Variants in ZNF804A observed in about 807,000 individuals in gnomAD.
ZNF804A encodes the protein zinc finger protein 804A.
ZNF804A carries 2 observed loss-of-function variants against 16.5 expected under a neutral mutation model. The observed-to-expected ratio is 0.12, with a 90% CI of 0.05 to 0.38. The LOEUF is 0.38. Ranked by LOEUF, ZNF804A falls within the 10% of genes least tolerant of loss-of-function variation. The probability of loss-of-function intolerance (pLI) is 0.99; values close to 1 mark genes in which losing one functional copy is unlikely to be tolerated. For missense variants in ZNF804A, 1,473 were observed against 1,390.7 expected, an observed-to-expected ratio of 1.06 and a Z score of -0.94; for synonymous variants, 534 against 489.6, an observed-to-expected ratio of 1.09 and a Z score of -1.20.
intron 1 of ZNF804A, among the ~76,000 whole-genome samples, chr2:184,705,635 G>A (rs928961349): frequency 5.9e-5 from 9 of 151,912 alleles, no homozygotes; most frequent in African/African-American, 1.7e-4. Context: ...TGAAGTGTAC[G>A]TTTGTGCTAC....
chr2:184,651,778 A>T (rs190142595), intron 1 of ZNF804A, among the ~76,000 whole-genome samples: 74 of 152,276 alleles, frequency 4.9e-4, no homozygotes, highest in African/African-American at 1.7e-3. Flanking sequence ...ATTATCAATA[A>T]TTCAAAAAAT....
intron 2 of ZNF804A, among the ~76,000 whole-genome samples, chr2:184,878,616 C>T (rs1684754523): frequency 6.6e-6 from 1 of 151,948 alleles, no homozygotes; most frequent in Admixed American, 6.6e-5. Context: ...AAAAACTTGT[C>T]AGTAAATTAT....
intron 1 of ZNF804A, among the ~76,000 whole-genome samples, chr2:184,860,364 A>G (rs1250697851): frequency 2.6e-5 from 4 of 152,246 alleles, no homozygotes; most frequent in Non-Finnish European, 5.9e-5. Context: ...TTGAGGCCAG[A>G]AGTGCCAACT....
chr2:184,757,730 A>T (rs982588816), intron 1 of ZNF804A, among the ~76,000 whole-genome samples: 4 of 152,022 alleles, frequency 2.6e-5, no homozygotes, highest in Admixed American at 2.0e-4. Context: ...TTAAAATGTT[A>T]TCTGGAGGAT....
At chr2:184,653,880 T>C (rs1279291389) in intron 1 of ZNF804A, among the ~76,000 whole-genome samples, 1 of 152,242 alleles carries the variant, frequency 6.6e-6, no homozygotes, top group African/African-American at 2.4e-5. Flanking sequence ...TCAAGTGTTT[T>C]ATTTTATTGG....
chr2:184,860,678 T>C (rs529752003), intron 1 of ZNF804A, among the ~76,000 whole-genome samples: 1 of 152,312 alleles, frequency 6.6e-6, no homozygotes, highest in South Asian at 2.1e-4. Flanking sequence ...TTGGAGGCCC[T>C]GTAGGTGGGT....
At position 184,938,438 on chromosome 2, in the gene ZNF804A, T is replaced by C; in HGVS notation, c.3042T>C (p.Gly1014=). Residue 1014 remains glycine (G), a synonymous_variant, in exon 4 of 4, where the codon GGT becomes GGC. Transcript: ENST00000302277. ...PLPFKEAHVS[G]HTFVTAEQIL... is the part of the protein sequence containing the mutation. ...CATTCAAAGAAGCACATGTCAGTGG[T>C]CATACTTTTGTAACAGCTGAGCAAA... The C allele has an allele frequency of 1.9e-6, 3 of 1,614,026 alleles. No homozygotes were observed. The highest frequency in any genetic ancestry group is 2.2e-5 in the South Asian group (2 of 91,074).
In ZNF804A at chr2:184,768,243, G is replaced by A. The variant is rs147481638; in HGVS notation, c.112-98126G>A. 2.0e-4 allele frequency among the ~76,000 whole-genome samples: 30 copies of A among 152,140 alleles called. 1 individual carries two copies. The East Asian group carries it at 4.1e-3, about 21-fold the overall frequency. On this transcript the variant is annotated intron_variant, in intron 1 of 3. Coordinates refer to ENST00000302277, the MANE Select transcript of ZNF804A (RefSeq NM_194250.2). Reference sequence around the variant, plus strand: ...GTGTATTGGGGGATGTGCATAGAGTGTATGCAAATACCATGCCATTTTATA... The same window carrying A: ...GTGTATTGGGGGATGTGCATAGAGTATATGCAAATACCATGCCATTTTATA...
chr2:184,824,450 G>A (rs1483080720), intron 1 of ZNF804A, among the ~76,000 whole-genome samples: 1 of 151,678 alleles, frequency 6.6e-6, no homozygotes, highest in East Asian at 1.9e-4. Context: ...AAGAAAACAT[G>A]GAAGCATATT....
chr2:184,712,841 C>G (rs942967231), intron 1 of ZNF804A, among the ~76,000 whole-genome samples: 1 of 151,610 alleles, frequency 6.6e-6, no homozygotes, highest in African/African-American at 2.4e-5. Flanking sequence ...CTCATCAGCT[C>G]CAGAGTTTCT....
chr2:184,853,195 A>T (rs796657372), intron 1 of ZNF804A, among the ~76,000 whole-genome samples: 5 of 151,970 alleles, frequency 3.3e-5, no homozygotes, highest in African/African-American at 1.2e-4. Context: ...CTTATTTTAA[A>T]TGAAATTGTT....
chr2:184,611,215 T>C (rs1207986787), intron 1 of ZNF804A, among the ~76,000 whole-genome samples: 1 of 152,140 alleles, frequency 6.6e-6, no homozygotes, highest in Non-Finnish European at 1.5e-5. Flanking sequence ...ATGACCTAAT[T>C]ACCTTCCAAA....
At chr2:184,723,257 AAAATATCT>A (rs1693350654) in intron 1 of ZNF804A, among the ~76,000 whole-genome samples, 1 of 151,898 alleles carries the variant, frequency 6.6e-6, no homozygotes, top group Non-Finnish European at 1.5e-5. Context: ...TAGAAATTTT[AAAATATCT>A]AAATTACTGA....
chr2:184,683,118 G>A (rs1283975611), intron 1 of ZNF804A, among the ~76,000 whole-genome samples: 1 of 152,056 alleles, frequency 6.6e-6, no homozygotes, highest in Non-Finnish European at 1.5e-5. Flanking sequence ...TTGAATTGCA[G>A]TATCTATTTT....
chr2:184,867,683 T>C (rs1424745778), intron 2 of ZNF804A, among the ~76,000 whole-genome samples: 1 of 152,166 alleles, frequency 6.6e-6, no homozygotes, highest in Non-Finnish European at 1.5e-5. Context: ...TTCCTTTTCT[T>C]ACATAAAAAT....
intron 1 of ZNF804A, among the ~76,000 whole-genome samples, chr2:184,845,727 A>G (rs1345996480): frequency 6.6e-6 from 1 of 152,136 alleles, no homozygotes; most frequent in Non-Finnish European, 1.5e-5. Context: ...TCAGATCATC[A>G]TCATGAGAAT....
At chr2:184,660,802 T>A (rs1692160857) in intron 1 of ZNF804A, among the ~76,000 whole-genome samples, 1 of 152,252 alleles carries the variant, frequency 6.6e-6, no homozygotes, top group African/African-American at 2.4e-5. Flanking sequence ...AATTATTGAA[T>A]AAAGTCACAA....
chr2:184,824,186 C>A lies in ZNF804A; in HGVS notation c.112-42183C>A, dbSNP rs200175543. On this transcript the variant is annotated intron_variant, in intron 1 of 3. Coordinates refer to ENST00000302277, the MANE Select transcript of ZNF804A (RefSeq NM_194250.2). ...GAGACACAGCTGGTTATGTTCAATG[C>A]CACACTGAAAATTAAATTAAATTAA... 4.6e-5 allele frequency among the ~76,000 whole-genome samples: 7 copies of A among 152,150 alleles called. No homozygotes were observed. The East Asian group carries it at 1.4e-3, about 29-fold the overall frequency.
At position 184,606,284 on chromosome 2, in the gene ZNF804A, A is replaced by C. The variant is rs542876403; in HGVS notation, c.111+7214A>C. On this transcript the variant is annotated intron_variant, in intron 1 of 3. Transcript: ENST00000302277. ...GGGAGGCCTCAGAAAACTTACAATC[A>C]TGGTGGATGGTGAGGGAGAAGCAAG... 2.8e-4 allele frequency among the ~76,000 whole-genome samples: 43 copies of C among 152,324 alleles called. No homozygotes were observed. In the South Asian group the frequency reaches 8.7e-3, roughly 31 times the overall value.
Sources: gnomAD v4.1 joint callset for allele counts (sites outside exome capture counted in the v4.1 genomes callset) on GRCh38, gnomAD v4.1.1 for gene constraint, MANE v1.5 for transcripts, NCBI Gene and HGNC (gene_info 2026-07-23, HGNC 2026-07-21) for gene names.